The following VAT1L variants were observed in gnomAD, a reference collection of about 807,000 sequenced individuals.
VAT1L encodes putative NADPH-dependent quinone oxidoreductase VAT1L.
VAT1L carries 34 observed loss-of-function variants against 44.1 expected under a neutral mutation model. The observed-to-expected ratio is 0.77, with a 90% CI of 0.59 to 1.03. VAT1L has a LOEUF of 1.03. VAT1L is among the 50% of genes least tolerant of loss of function. The probability of loss-of-function intolerance (pLI) is 0.00; values close to 1 mark genes in which losing one functional copy is unlikely to be tolerated. For synonymous variants in VAT1L, 253 were observed against 202.2 expected (o/e 1.25, Z -2.13); for missense variants, 615 against 538.8 (o/e 1.14, Z -1.40).
At chr16:77,789,805 C>G (rs1455023501) in intron 1 of VAT1L, among the ~76,000 whole-genome samples, 1 of 152,156 alleles carries the variant, frequency 6.6e-6, no homozygotes, top group Non-Finnish European at 1.5e-5. Flanking sequence ...TTCTCCAGGC[C>G]CTCACGCTCA....
At chr16:77,956,895 T>C (rs1203749978) in intron 7 of VAT1L, among the ~76,000 whole-genome samples, 2 of 152,216 alleles carry the variant, frequency 1.3e-5, no homozygotes, top group Admixed American at 6.5e-5. Context: ...AACCCTAGCA[T>C]TTGTGTAGAC....
chr16:77,955,721 C>T (rs254819), intron 7 of VAT1L, among the ~76,000 whole-genome samples: 12,225 of 101,544 alleles, frequency 0.12, 664 homozygotes, highest in Non-Finnish European at 0.16. Context: ...GCTCCATATC[C>T]CCCCCCCCAA....
chr16:77,876,635 T>C (rs542760275), intron 5 of VAT1L, among the ~76,000 whole-genome samples, 162 bp downstream of exon 5: 2 of 152,342 alleles, frequency 1.3e-5, no homozygotes, highest in South Asian at 4.1e-4. Flanking sequence ...CTGTGAGTTA[T>C]TTTCAATTTT....
rs575891875 is a variant in VAT1L, at chr16:77,977,120, T to C, written c.1162-477T>C. The stretch of plus-strand genomic sequence containing the variant: ...AGAGCTAACTCTTGTCACCAGAGCA[T>C]GCTTGAGTTTTGCACAGAAACTGCG... On this transcript the variant is annotated intron_variant, in intron 8 of 8. Transcript: ENST00000302536. Among the ~76,000 whole-genome samples the C allele has an allele frequency of 2.0e-5, 3 of 152,280 alleles. No homozygotes were observed. In the East Asian group the frequency reaches 5.8e-4, roughly 29 times the overall value.
At chr16:77,851,160 A>T (rs2016804672) in intron 3 of VAT1L, among the ~76,000 whole-genome samples, 1 of 152,342 alleles carries the variant, frequency 6.6e-6, no homozygotes, top group South Asian at 2.1e-4. Flanking sequence ...CCGGCAACAG[A>T]TACTAGCCCG....
At chr16:77,848,891 G>C (rs1252156970) in intron 3 of VAT1L, among the ~76,000 whole-genome samples, 1 of 152,066 alleles carries the variant, frequency 6.6e-6, no homozygotes, top group Non-Finnish European at 1.5e-5. Context: ...TCCTTTGCAG[G>C]GACATGGATG....
chr16:77,902,762 A>C (rs1371126781), intron 7 of VAT1L, among the ~76,000 whole-genome samples: 1 of 149,404 alleles, frequency 6.7e-6, no homozygotes, highest in Admixed American at 6.7e-5. Context: ...TGAGGTCAGG[A>C]GTTCGAGACT....
Position 77,864,260 on chromosome 16 carries a change from T to C in VAT1L, c.722+1370T>C, listed in dbSNP as rs148374170. 2.2e-4 allele frequency among the ~76,000 whole-genome samples: 34 copies of C among 152,320 alleles called. No homozygotes were observed. In the East Asian group the frequency reaches 6.0e-3, roughly 27 times the overall value. ...ATTCTCATTTTCCAACACAAAATTG[T>C]TACGTACAAAGGTATTACGTTGTCC... On this transcript the variant is annotated intron_variant, in intron 4 of 8. Transcript: ENST00000302536.
At chr16:77,941,509 T>C (rs1192831137) in intron 7 of VAT1L, among the ~76,000 whole-genome samples, 3 of 152,174 alleles carry the variant, frequency 2.0e-5, no homozygotes, top group African/African-American at 7.2e-5. Flanking sequence ...GACAGAATGA[T>C]TTATATTCAT....
At chr16:77,848,138 C>T (rs761914223) in intron 3 of VAT1L, among the ~76,000 whole-genome samples, 6 of 152,146 alleles carry the variant, frequency 3.9e-5, no homozygotes, top group African/African-American at 7.2e-5. Context: ...GTGTGTCATG[C>T]TTCCTAAGAG....
At position 77,884,622 on chromosome 16, in the gene VAT1L, G is replaced by A. The variant is rs137981657; in HGVS notation, c.897G>A (p.Glu299=). 114 of 1,613,150 alleles carry A rather than the reference G, an allele frequency of 7.1e-5. No homozygotes were observed. The highest frequency in any genetic ancestry group is 1.7e-4 in the Middle Eastern group (1 of 6,030). The change falls in exon 7 of 9, where the codon GAG becomes GAA. Residue 299 remains glutamate, a synonymous_variant. Transcript: ENST00000302536. The surrounding 1 kb of genome is among the most constrained non-coding windows in gnomAD (Gnocchi z 4.5). ...TCTCTTTGCAGTGGTGGCAGGTGGAGAAGGTGAACCCCATCAAGCTGTATG... is the reference window on the plus strand; with the variant it reads ...TCTCTTTGCAGTGGTGGCAGGTGGAAAAGGTGAACCCCATCAAGCTGTATG... The part of the protein sequence containing the change: ...FSFAKSWWQV[E]KVNPIKLYEE...
intron 7 of VAT1L, among the ~76,000 whole-genome samples, chr16:77,906,688 G>A (rs11150027): frequency 0.5 from 76,604 of 151,890 alleles, 19,836 homozygotes; most frequent in Middle Eastern, 0.65. Flanking sequence ...AGGGGGGAAC[G>A]GTCACTCCCC....
intron 7 of VAT1L, among the ~76,000 whole-genome samples, chr16:77,944,171 C>T (rs1453859212): frequency 6.6e-6 from 1 of 152,116 alleles, no homozygotes; most frequent in African/African-American, 2.4e-5. Context: ...TCAAGATACA[C>T]AGGATAGCCC....
At chr16:77,909,919 C>G (rs558286973) in intron 7 of VAT1L, among the ~76,000 whole-genome samples, 1 of 152,288 alleles carries the variant, frequency 6.6e-6, no homozygotes, top group African/African-American at 2.4e-5. Flanking sequence ...CTCGTAAGAA[C>G]GGCTCCTGCG....
chr16:77,860,023 G>A (rs1243908367), intron 3 of VAT1L, among the ~76,000 whole-genome samples: 1 of 152,128 alleles, frequency 6.6e-6, no homozygotes, highest in Non-Finnish European at 1.5e-5. Flanking sequence ...TTATGAGAAG[G>A]GGAAATTCGG....
At chr16:77,797,566 C>T (rs1270003670) in intron 1 of VAT1L, among the ~76,000 whole-genome samples, 1 of 152,268 alleles carries the variant, frequency 6.6e-6, no homozygotes. Context: ...TGTATATAGA[C>T]AATCCAGCCT....
chr16:77,933,257 G>T (rs149879446), intron 7 of VAT1L, among the ~76,000 whole-genome samples: 1 of 152,298 alleles, frequency 6.6e-6, no homozygotes, highest in African/African-American at 2.4e-5. Context: ...CAATAGTTCA[G>T]CATGGTAGAG....
chr16:77,917,213 A>T (rs2017561255), intron 7 of VAT1L, among the ~76,000 whole-genome samples: 1 of 152,168 alleles, frequency 6.6e-6, no homozygotes, highest in Non-Finnish European at 1.5e-5. Flanking sequence ...TCATCTTCCC[A>T]GTTAGCAGTA....
rs1036100832 is a variant in VAT1L, at chr16:77,788,630, C to T, written c.-53C>T. ...CGGGAGAGGAGCCCCACTCCCCCAG[C>T]GCCGCAGCCACCGCAGCCACCGCAG... On this transcript the variant is annotated 5_prime_UTR_variant, in exon 1 of 9. Transcript: ENST00000302536. 25 of 1,537,044 alleles carry T rather than the reference C, an allele frequency of 1.6e-5. No homozygotes were observed. Among genetic ancestry groups the T allele is most frequent in the Non-Finnish European group, 2.0e-5 (23 of 1,139,690 alleles).
Sources: allele counts gnomAD v4.1 joint callset (sites outside exome capture counted in the v4.1 genomes callset), GRCh38; gene constraint gnomAD v4.1.1; non-coding constraint Gnocchi (gnomAD v3.1); transcripts MANE v1.5; gene names NCBI Gene and HGNC (gene_info 2026-07-23, HGNC 2026-07-21).